The following UBAP1 variants were observed in gnomAD, a reference collection of about 807,000 sequenced individuals.
UBAP1 encodes the protein ubiquitin-associated protein 1.
Under a neutral mutation model 39.0 loss-of-function variants are expected in UBAP1, and 5 were observed. The observed-to-expected ratio is 0.13, with a 90% CI of 0.07 to 0.27. The LOEUF (loss-of-function observed/expected upper bound fraction) is 0.27, where lower values mean the gene tolerates loss of function less well. Ranked by LOEUF, UBAP1 falls within the 10% of genes least tolerant of loss-of-function variation. The pLI is 1.00. For missense variants in UBAP1, 490 were observed against 608.1 expected (o/e 0.81, Z 2.04); for synonymous variants, 211 against 225.1 (o/e 0.94, Z 0.56).
intron 1 of UBAP1, among the ~76,000 whole-genome samples, chr9:34,213,441 G>T (rs1587831097): frequency 6.6e-6 from 1 of 152,072 alleles, no homozygotes; most frequent in South Asian, 2.1e-4. Context: ...AACCCAGGAG[G>T]TGGAAGTTGC....
At chr9:34,202,337 G>A (rs1388712259) in intron 1 of UBAP1, among the ~76,000 whole-genome samples, 1 of 151,990 alleles carries the variant, frequency 6.6e-6, no homozygotes, top group African/African-American at 2.4e-5. Context: ...TTACCATGTT[G>A]GTAAGGCTGG....
chr9:34,228,880 C>G (rs1833256800), intron 2 of UBAP1, among the ~76,000 whole-genome samples: 1 of 151,870 alleles, frequency 6.6e-6, no homozygotes, highest in African/African-American at 2.4e-5. Flanking sequence ...TGTGCCTGGC[C>G]ACGTTCCCAT....
At position 34,215,690 on chromosome 9, in the gene UBAP1, TAAAA is replaced by T. The variant is rs531313913; in HGVS notation, c.-7-5214_-7-5211del. On this transcript the variant is annotated intron_variant, in intron 1 of 6. Coordinates refer to ENST00000297661, the MANE Select transcript of UBAP1 (RefSeq NM_016525.5). ...CAATAACTTATGGAAAAATAAATAATAAAAAAAGGGTTTAAAAAAGTATAGGAAG... is the reference window on the plus strand; with the variant it reads ...CAATAACTTATGGAAAAATAAATAATAAAGGGTTTAAAAAAGTATAGGAAG... 1.4e-4 allele frequency among the ~76,000 whole-genome samples: 21 copies of T among 150,986 alleles called. No individual in the cohort carries two copies. In the East Asian group the frequency reaches 1.8e-3, roughly 13 times the overall value.
intron 1 of UBAP1, among the ~76,000 whole-genome samples, chr9:34,217,531 T>A (rs1051127862): frequency 2.0e-5 from 3 of 152,182 alleles, no homozygotes; most frequent in African/African-American, 7.2e-5. Context: ...CCACCGTGCC[T>A]GGCTGGTGGC....
intron 1 of UBAP1, among the ~76,000 whole-genome samples, chr9:34,185,979 A>G (rs980220720): frequency 8.5e-5 from 13 of 152,226 alleles, no homozygotes; most frequent in African/African-American, 3.1e-4. Context: ...TAAGGTTACA[A>G]CTAGGTAGAC....
At chr9:34,193,803 C>CT (rs1830867920) in intron 1 of UBAP1, among the ~76,000 whole-genome samples, 1 of 152,198 alleles carries the variant, frequency 6.6e-6, no homozygotes, top group Admixed American at 6.5e-5. Flanking sequence ...CAGAAGTTCT[C>CT]TGAACCCAGT....
At position 34,216,972 on chromosome 9, in the gene UBAP1, G is replaced by A. The variant is rs1832358031; in HGVS notation, c.-7-3936G>A. Among the ~76,000 whole-genome samples, 5 of 151,926 alleles carry A rather than the reference G, an allele frequency of 3.3e-5. No individual in the cohort carries two copies. In the South Asian group the frequency reaches 1.0e-3, roughly 32 times the overall value. On this transcript the variant is annotated intron_variant, in intron 1 of 6. Coordinates refer to ENST00000297661, the MANE Select transcript of UBAP1 (RefSeq NM_016525.5). ...CAGAACTTATTCTTCCTATGTGATGGTAACTTTAATCATTCATCAACTTCT... is the reference window on the plus strand; with the variant it reads ...CAGAACTTATTCTTCCTATGTGATGATAACTTTAATCATTCATCAACTTCT...
chr9:34,232,648 G>A (rs1389683694), intron 2 of UBAP1, among the ~76,000 whole-genome samples: 1 of 152,012 alleles, frequency 6.6e-6, no homozygotes, highest in African/African-American at 2.4e-5. Context: ...CCCAGGAAAT[G>A]GGAGTGATGA....
At chr9:34,201,874 C>T (rs754827959) in intron 1 of UBAP1, among the ~76,000 whole-genome samples, 26 of 152,240 alleles carry the variant, frequency 1.7e-4, no homozygotes, top group African/African-American at 3.4e-4. Context: ...AGGGTTCCCT[C>T]GGTCCTCTCT....
At chr9:34,242,418 G>C (rs754321176) in intron 4 of UBAP1, among the ~76,000 whole-genome samples, 1 of 152,104 alleles carries the variant, frequency 6.6e-6, no homozygotes, top group Non-Finnish European at 1.5e-5. Context: ...AAAGTGCTGG[G>C]ATTACAGGTG....
At chr9:34,213,150 TC>T (rs1342453414) in intron 1 of UBAP1, among the ~76,000 whole-genome samples, 1 of 152,100 alleles carries the variant, frequency 6.6e-6, no homozygotes, top group East Asian at 1.9e-4. Flanking sequence ...AAATCCAGCA[TC>T]CCTTTATGAT....
chr9:34,250,706 G>T lies in UBAP1; in HGVS notation c.1315G>T (p.Asp439Tyr). The part of the protein sequence containing the change: ...AHGQLCEKGF[D>Y]PLLVEEALEM... ...TGGACAGCTTTGTGAGAAGGGCTTC[G>T]ACCCTCTTTTAGTGGAAGAGGCTCT... The change falls in exon 6 of 7, where the codon GAC becomes TAC. Residue 439 changes from aspartate (D) to tyrosine (Y), a missense_variant. Asp to Tyr is a radical substitution (Grantham distance 160). Around this residue, in one of 3 missense-constraint regions of UBAP1, gnomAD observed 339 missense variants for 390.0 expected, o/e 0.87. Coordinates refer to ENST00000297661, the MANE Select transcript of UBAP1 (RefSeq NM_016525.5). 1 of 1,613,708 alleles carries T rather than the reference G, an allele frequency of 6.2e-7. No homozygotes were observed. Among genetic ancestry groups the T allele is most frequent in the South Asian group, 1.1e-5 (1 of 91,042 alleles).
intron 2 of UBAP1, among the ~76,000 whole-genome samples, chr9:34,230,626 T>G (rs1316065254): frequency 6.6e-6 from 1 of 152,222 alleles, no homozygotes; most frequent in East Asian, 1.9e-4. Context: ...TTTGTTCTAA[T>G]CTTTTAAAAT....
At chr9:34,222,002 G>A (rs1001922052) in intron 2 of UBAP1, among the ~76,000 whole-genome samples, 2 of 152,152 alleles carry the variant, frequency 1.3e-5, no homozygotes, top group Non-Finnish European at 2.9e-5. Flanking sequence ...AGTGGCATGT[G>A]CCTGCAGTCC....
rs1554645026 is a variant in UBAP1, at chr9:34,182,671, C to CTTTCTCTCTCTTTCTCT, written c.-8+3436_-8+3437insCTCTCTTTCTCTTTTCT. Reference sequence around the variant, plus strand: ...TCTTTCTTTCTTTCTTTCTTTCTTTCTTTCTTTCTTTCTCTCTCTCTTTCT... The same window carrying CTTTCTCTCTCTTTCTCT: ...TCTTTCTTTCTTTCTTTCTTTCTTTCTTTCTCTCTCTTTCTCTTTTCTTTCTTTCTCTCTCTCTTTCT... On this transcript the variant is annotated intron_variant, in intron 1 of 6. Coordinates refer to ENST00000297661, the MANE Select transcript of UBAP1 (RefSeq NM_016525.5). Among the ~76,000 whole-genome samples, 27 of 88,004 alleles carry CTTTCTCTCTCTTTCTCT rather than the reference C, an allele frequency of 3.1e-4. 1 individual carries two copies. Among genetic ancestry groups the CTTTCTCTCTCTTTCTCT allele is most frequent in the Admixed American group, 9.3e-4 (7 of 7,496 alleles). 57.7% of individuals were successfully genotyped at this position (88,004 alleles called of 152,430 possible). A position where few individuals can be genotyped will look rare whatever the true frequency, so the allele number is the denominator to read the frequency against.
chr9:34,196,992 A>G (rs1002639261), intron 1 of UBAP1, among the ~76,000 whole-genome samples: 3 of 148,684 alleles, frequency 2.0e-5, no homozygotes, highest in South Asian at 2.1e-4. Flanking sequence ...CAGTGACACA[A>G]TCTTGGCTCA....
At chr9:34,207,421 G>A (rs191652202) in intron 1 of UBAP1, among the ~76,000 whole-genome samples, 1 of 150,792 alleles carries the variant, frequency 6.6e-6, no homozygotes, top group Admixed American at 6.6e-5. Context: ...AGAAAAACAT[G>A]GTACTTCAGT....
intron 2 of UBAP1, 62 bp downstream of exon 2, chr9:34,221,010 T>A: frequency 6.7e-7 from 1 of 1,493,686 alleles, no homozygotes; most frequent in Non-Finnish European, 9.3e-7. Context: ...TGGAATCACT[T>A]AGCATAGTTT....
At chr9:34,197,167 C>G (rs1358693485) in intron 1 of UBAP1, among the ~76,000 whole-genome samples, 1 of 152,098 alleles carries the variant, frequency 6.6e-6, no homozygotes, top group African/African-American at 2.4e-5. Context: ...ACCTTGTGAT[C>G]CGCTTGCCTT....
Sources: gnomAD v4.1 joint callset for allele counts (sites outside exome capture counted in the v4.1 genomes callset) on GRCh38, gnomAD v4.1.1 for gene constraint, gnomAD v4.1.1 regional missense constraint, MANE v1.5 for transcripts, NCBI Gene and HGNC (gene_info 2026-07-23, HGNC 2026-07-21) for gene names.